UNC13C: variants seen among roughly 807,000 people sequenced by gnomAD.
UNC13C encodes unc-13 homolog C, also known as protein unc-13 homolog C.
Under a neutral mutation model 245.4 loss-of-function variants are expected in UNC13C, and 174 were observed. That is an observed-to-expected ratio of 0.71 (90% CI 0.63 to 0.80). UNC13C has a LOEUF of 0.80. UNC13C is among the 30% of genes least tolerant of loss of function. UNC13C has a pLI of 0.00. For missense variants in UNC13C, 2,829 were observed against 2,602.9 expected (o/e 1.09, Z -1.89); for synonymous variants, 992 against 895.1 (o/e 1.11, Z -1.93).
At chr15:54,463,570 C>G (rs1217130288) in intron 19 of UNC13C, among the ~76,000 whole-genome samples, 1 of 152,020 alleles carries the variant, frequency 6.6e-6, no homozygotes, top group East Asian at 1.9e-4. Flanking sequence ...GTAACACTCA[C>G]TGCAAAGGTC....
intron 2 of UNC13C, among the ~76,000 whole-genome samples, chr15:54,124,642 A>C (rs1039765939): frequency 1.0e-4 from 13 of 130,212 alleles, no homozygotes; most frequent in African/African-American, 3.8e-4. Context: ...TTGAAGTCCA[A>C]ATAATTGATT....
intron 13 of UNC13C, chr15:54,320,784 G>A: frequency 2.8e-6 from 1 of 363,118 alleles, no homozygotes; most frequent in South Asian, 2.5e-5. Flanking sequence ...GACCACCTTG[G>A]TTTCCTGGTT....
At chr15:54,628,921 C>T (rs1297100237), downstream of UNC13C, 1 of 151,046 alleles carries the variant, frequency 6.6e-6, no homozygotes, top group East Asian at 1.9e-4. Flanking sequence ...ACTAAGCAAT[C>T]CCATTACTGA....
chr15:53,951,265 A>AT, the UNC13C span, among the ~76,000 whole-genome samples: 6 of 152,342 alleles, frequency 3.9e-5, no homozygotes, highest in East Asian at 9.6e-4. Flanking sequence ...TACAAGCTGA[A>AT]TTGGGTATAT....
chr15:54,555,545 G>T, intron 29 of UNC13C, 33 bp downstream of exon 29: 1 of 1,538,792 alleles, frequency 6.5e-7, no homozygotes, highest in Non-Finnish European at 8.9e-7. Context: ...TATACATCGA[G>T]AGAGGCCCCC....
intron 25 of UNC13C, among the ~76,000 whole-genome samples, chr15:54,529,207 G>A (rs1026441292): frequency 2.6e-5 from 4 of 152,168 alleles, no homozygotes; most frequent in African/African-American, 9.7e-5. Context: ...AATGGAGACA[G>A]ATCAAACCTG....
chr15:54,319,224 G>A (rs938519024), intron 13 of UNC13C, among the ~76,000 whole-genome samples: 1 of 149,680 alleles, frequency 6.7e-6, no homozygotes, highest in African/African-American at 2.5e-5. Flanking sequence ...CACCATTTTA[G>A]GCATTACATT....
At chr15:54,602,588 A>G (rs1899498264) in intron 30 of UNC13C, among the ~76,000 whole-genome samples, 1 of 152,178 alleles carries the variant, frequency 6.6e-6, no homozygotes, top group Non-Finnish European at 1.5e-5. Flanking sequence ...TGAGATTATT[A>G]ATAGATCTTA....
chr15:54,038,262 G>T (rs899261953), intron 2 of UNC13C, among the ~76,000 whole-genome samples: 2 of 150,670 alleles, frequency 1.3e-5, no homozygotes, highest in Non-Finnish European at 2.9e-5. Context: ...AGCTGCAGTA[G>T]CTGGGATTAC....
intron 17 of UNC13C, among the ~76,000 whole-genome samples, chr15:54,390,902 T>G (rs1443205592): frequency 7.1e-6 from 1 of 140,714 alleles, no homozygotes; most frequent in East Asian, 1.9e-4. Flanking sequence ...GCCTGGTTTA[T>G]GATAGTATTG....
intron 30 of UNC13C, among the ~76,000 whole-genome samples, chr15:54,583,701 T>G (rs912121697): frequency 6.6e-6 from 1 of 152,220 alleles, no homozygotes; most frequent in East Asian, 1.9e-4. Context: ...CTGACCTAAG[T>G]TGTCTGAAGC....
intron 2 of UNC13C, among the ~76,000 whole-genome samples, chr15:54,082,653 T>A (rs1428892124): frequency 6.6e-6 from 1 of 152,202 alleles, no homozygotes. Flanking sequence ...TGTCTTTTTG[T>A]ACTGCTGGAG....
chr15:54,131,967 G>A (rs967198643), intron 2 of UNC13C, among the ~76,000 whole-genome samples: 1 of 151,984 alleles, frequency 6.6e-6, no homozygotes, highest in African/African-American at 2.4e-5. Flanking sequence ...GTTCTCCATG[G>A]CTGAAGAGTT....
the UNC13C span, among the ~76,000 whole-genome samples, chr15:53,856,035 A>G: frequency 2.0e-5 from 3 of 152,208 alleles, no homozygotes; most frequent in African/African-American, 7.2e-5. Context: ...GTATGTGTCC[A>G]GGAATTTATC....
intron 1 of UNC13C, among the ~76,000 whole-genome samples, chr15:53,994,328 A>G (rs1198713412): frequency 6.6e-6 from 1 of 152,028 alleles, no homozygotes; most frequent in South Asian, 2.1e-4. Context: ...ATTTTGAAAT[A>G]ATTTATTTAT....
chr15:53,890,404 G>A, the UNC13C span, among the ~76,000 whole-genome samples: 2 of 152,146 alleles, frequency 1.3e-5, no homozygotes, highest in Non-Finnish European at 2.9e-5. Flanking sequence ...GCCTCCCAAA[G>A]TGCTGGGATT....
chr15:53,878,147 T>G, the UNC13C span, among the ~76,000 whole-genome samples: 1 of 152,154 alleles, frequency 6.6e-6, no homozygotes, highest in South Asian at 2.1e-4. Flanking sequence ...ATTTCAAACT[T>G]TGAGCAGGAC....
At chr15:54,428,124 T>C (rs1283470767) in intron 19 of UNC13C, among the ~76,000 whole-genome samples, 1 of 151,876 alleles carries the variant, frequency 6.6e-6, no homozygotes, top group African/African-American at 2.4e-5. Flanking sequence ...TTGTGCCTAG[T>C]ACTCCATGAG....
intron 2 of UNC13C, among the ~76,000 whole-genome samples, chr15:54,038,124 ATTTT>A (rs58063301): frequency 0.078 from 3,503 of 45,020 alleles, 140 homozygotes; most frequent in Admixed American, 0.14. Flanking sequence ...ATATATATAT[ATTTT>A]TTTTTTTTTT....
Sources: gnomAD v4.1 joint callset for allele counts (sites outside exome capture counted in the v4.1 genomes callset) on GRCh38, gnomAD v4.1.1 for gene constraint, MANE v1.5 for transcripts, NCBI Gene and HGNC (gene_info 2026-07-23, HGNC 2026-07-21) for gene names.